The following TMEM79 variants were observed in gnomAD, a reference collection of about 807,000 sequenced individuals.
The protein encoded by TMEM79 is mattrin.
TMEM79 carries 30 observed loss-of-function variants against 31.2 expected under a neutral mutation model. The ratio of observed to expected loss-of-function variants is 0.96; its 90% CI spans 0.72 to 1.30. The LOEUF (loss-of-function observed/expected upper bound fraction) is 1.30. Ranked by LOEUF, TMEM79 falls within the 50% of genes most tolerant of loss-of-function variation. TMEM79 has a pLI of 0.00. For synonymous variants in TMEM79, 213 were observed against 229.5 expected (o/e 0.93, Z 0.65); for missense variants, 509 against 528.2 (o/e 0.96, Z 0.36).
intron 3 of TMEM79, among the ~76,000 whole-genome samples, chr1:156,289,813 C>T (rs752777479): frequency 6.6e-6 from 1 of 152,162 alleles, no homozygotes; most frequent in African/African-American, 2.4e-5. Flanking sequence ...GTTGCTCTCC[C>T]CTCCCTCCAT....
rs760661434 is a variant in TMEM79 at position 156,285,826 on chromosome 1, T to C, written c.600T>C (p.Ala200=). 3 of 1,613,662 alleles carry C rather than the reference T, an allele frequency of 1.9e-6. No homozygotes were observed. Among genetic ancestry groups the C allele is most frequent in the South Asian group, 1.1e-5 (1 of 91,086 alleles). ...GTGGAGACCGTGAGTGGCTAAGGGCTGTGGCCTCCGTGGGAGCCGCACTCA... is the reference window on the plus strand; with the variant it reads ...GTGGAGACCGTGAGTGGCTAAGGGCCGTGGCCTCCGTGGGAGCCGCACTCA... The part of the protein sequence containing the change: ...GSCGDREWLR[A]VASVGAALIL... The change falls in exon 2 of 4, where the codon GCT becomes GCC. Residue 200 remains alanine (A), a synonymous_variant. Coordinates refer to ENST00000405535, the MANE Select transcript of TMEM79 (RefSeq NM_032323.3).
upstream of TMEM79, among the ~76,000 whole-genome samples, chr1:156,283,304 C>T (rs185868370): frequency 2.6e-5 from 4 of 152,336 alleles, no homozygotes; most frequent in Admixed American, 1.3e-4. Flanking sequence ...CTTGTACAAG[C>T]GTCTCGGCCC....
chr1:156,289,154 T>TATAGAGTATAGAGTATAGAGTA (rs1414807620), intron 3 of TMEM79, among the ~76,000 whole-genome samples: 1 of 152,168 alleles, frequency 6.6e-6, no homozygotes, highest in Non-Finnish European at 1.5e-5. Flanking sequence ...ATTAAATGAG[T>TATAGAGTATAGAGTATAGAGTA]TAATTCATGT....
At chr1:156,283,499 G>A (rs183833154), upstream of TMEM79, among the ~76,000 whole-genome samples, 23 of 151,840 alleles carry the variant, frequency 1.5e-4, no homozygotes, top group Admixed American at 1.3e-3. Flanking sequence ...ATAGAAATGA[G>A]AAGCTAGTCC....
Position 156,285,502 on chromosome 1 carries a change from T to C in TMEM79, c.276T>C (p.Pro92=), listed in dbSNP as rs1194025375. 6.2e-7 allele frequency: 1 copy of C among 1,614,144 alleles called. No homozygotes were observed. Among genetic ancestry groups the C allele is most frequent in the Admixed American group, 1.7e-5 (1 of 60,026 alleles). ...PQPSAPFPDP[P]GWRDIEPEPP... is the part of the protein sequence containing the mutation. ...CCAGTGCTCCGTTCCCGGATCCCCCTGGCTGGCGGGACATTGAACCAGAGC... is the reference window on the plus strand; with the variant it reads ...CCAGTGCTCCGTTCCCGGATCCCCCCGGCTGGCGGGACATTGAACCAGAGC... The change falls in exon 2 of 4, where the codon CCT becomes CCC. Residue 92 remains proline, a synonymous_variant. Coordinates refer to ENST00000405535, the MANE Select transcript of TMEM79 (RefSeq NM_032323.3).
Position 156,285,745 on chromosome 1 carries a change from G to A in TMEM79, c.519G>A (p.Lys173=). ...RVTHPDPTER[K]WAEAVVRPPG... ...CCCACCCCGACCCCACTGAGCGCAA[G>A]TGGGCTGAGGCAGTGGTGAGGCCGC... Residue 173 remains lysine, a synonymous_variant, in exon 2 of 4, where the codon AAG becomes AAA. Coordinates refer to ENST00000405535, the MANE Select transcript of TMEM79 (RefSeq NM_032323.3). 6.2e-7 allele frequency: 1 copy of A among 1,613,316 alleles called. No individual in the cohort carries two copies. Among genetic ancestry groups the A allele is most frequent in the Non-Finnish European group, 8.5e-7 (1 of 1,180,002 alleles).
rs773601314 is a variant in TMEM79, at chr1:156,291,660, C to T, written c.*62C>T. 5 of 1,533,356 alleles carry T rather than the reference C, an allele frequency of 3.3e-6. No homozygotes were observed. The highest frequency in any genetic ancestry group is 3.6e-6 in the Non-Finnish European group (4 of 1,110,448). The allele number at this position is 1,533,356 out of a possible 1,614,324, so 95.0% of individuals were successfully genotyped here. A position where few individuals can be genotyped will look rare whatever the true frequency, so the allele number is the denominator to read the frequency against. On this transcript the variant is annotated 3_prime_UTR_variant, in exon 4 of 4. Transcript: ENST00000405535. Reference sequence around the variant, plus strand: ...GCTTGGGTCTGACACATCTTTGAACCTTGTGGCCAGGCCTGGACTTCGCCC... The same window carrying T: ...GCTTGGGTCTGACACATCTTTGAACTTTGTGGCCAGGCCTGGACTTCGCCC...
Position 156,285,724 on chromosome 1 carries a change from C to G in TMEM79, c.498C>G (p.His166Gln). 6.2e-7 allele frequency: 1 copy of G among 1,613,230 alleles called. No homozygotes were observed. Among genetic ancestry groups the G allele is most frequent in the African/African-American group, 1.3e-5 (1 of 75,064 alleles). ...CCTTCATGCCCCCCCGGGTCACCCACCCCGACCCCACTGAGCGCAAGTGGG... is the reference window on the plus strand; with the variant it reads ...CCTTCATGCCCCCCCGGGTCACCCAGCCCGACCCCACTGAGCGCAAGTGGG... ...CRTFMPPRVT[H>Q]PDPTERKWAE... The change falls in exon 2 of 4, where the codon CAC becomes CAG. Residue 166 changes from histidine (H) to glutamine (Q), a missense_variant. Coordinates refer to ENST00000405535, the MANE Select transcript of TMEM79 (RefSeq NM_032323.3).
upstream of TMEM79, chr1:156,283,102 A>G: frequency 2.8e-6 from 1 of 361,152 alleles, no homozygotes; most frequent in Non-Finnish European, 4.9e-6. Flanking sequence ...GCTTTGTCCT[A>G]CAATGGTCAT....
rs1295499944 is a variant in TMEM79, at chr1:156,286,099, C to T, written c.757+116C>T. ...CTTGACCTGGGCCCCTCAGGGTCTC[C>T]CACCCCCTGCCAGTCTGCATGCCCA... On this transcript the variant is annotated intron_variant, in intron 2 of 3. Transcript: ENST00000405535. 6.2e-6 allele frequency: 9 copies of T among 1,447,944 alleles called. No homozygotes were observed. In the Admixed American group the frequency reaches 7.7e-5, roughly 12 times the overall value. The allele number at this position is 1,447,944 out of a possible 1,614,324, so 89.7% of individuals were successfully genotyped here. A position where few individuals can be genotyped will look rare whatever the true frequency, so the allele number is the denominator to read the frequency against.
upstream of TMEM79, among the ~76,000 whole-genome samples, chr1:156,283,761 A>T (rs186101181): frequency 1.3e-3 from 193 of 152,168 alleles, no homozygotes; most frequent in Admixed American, 3.1e-3. Flanking sequence ...TTTCCCATCC[A>T]TTGGTCTTTC....
At chr1:156,290,515 T>A (rs1663283633) in intron 3 of TMEM79, 1 of 142,260 alleles carries the variant, frequency 7.0e-6, no homozygotes, top group African/African-American at 2.7e-5. Context: ...CCAGCCTGGC[T>A]GACAGAGACC....
chr1:156,286,820 T>C (rs2101589119), intron 3 of TMEM79, among the ~76,000 whole-genome samples: 1 of 152,306 alleles, frequency 6.6e-6, no homozygotes, highest in Middle Eastern at 3.4e-3. Context: ...AAAATAGATA[T>C]ATTTTTTCAA....
chr1:156,286,010 T>C, intron 2 of TMEM79, 27 bp downstream of exon 2: 1 of 1,578,594 alleles, frequency 6.3e-7, no homozygotes, highest in African/African-American at 1.3e-5. Flanking sequence ...AAAGGGGGCA[T>C]CGGGAAGTGG....
Position 156,285,265 on chromosome 1 carries a change from G to T in TMEM79, c.39G>T (p.Lys13Asn). ...EQETLALLEV[K>N]RSDSPEKSSP... ...AGACCCTGGCCCTACTGGAAGTGAA[G>T]AGGTCTGATTCCCCAGAGAAGAGCT... Residue 13 changes from lysine (K) to asparagine (N), a missense_variant, in exon 2 of 4, where the codon AAG becomes AAT. Lys to Asn is a moderately conservative substitution (Grantham distance 94). Coordinates refer to ENST00000405535, the MANE Select transcript of TMEM79 (RefSeq NM_032323.3). The T allele has an allele frequency of 6.4e-7, 1 of 1,558,054 alleles. No homozygotes were observed. The highest frequency in any genetic ancestry group is 8.6e-7 in the Non-Finnish European group (1 of 1,156,750).
Position 156,291,973 on chromosome 1 carries a change from C to A in TMEM79, c.*375C>A. ...GTCTCTGCTCCACTCCCCGGCTTCC[C>A]GTGAGGCAGGAGGCAGAGCCACAGC... On this transcript the variant is annotated 3_prime_UTR_variant, in exon 4 of 4. Transcript: ENST00000405535. 2.1e-6 allele frequency: 1 copy of A among 473,302 alleles called. No individual in the cohort carries two copies. The highest frequency in any genetic ancestry group is 3.3e-5 in the East Asian group (1 of 30,126). 29.3% of individuals were successfully genotyped at this position (473,302 alleles called of 1,614,324 possible).
Position 156,291,498 on chromosome 1 carries a change from T to C in TMEM79, c.1085T>C (p.Val362Ala). The C allele has an allele frequency of 6.2e-7, 1 of 1,612,820 alleles. No individual in the cohort carries two copies. The highest frequency in any genetic ancestry group is 1.3e-5 in the African/African-American group (1 of 75,036). The change falls in exon 4 of 4, where the codon GTG becomes GCG. Residue 362 changes from valine (V) to alanine (A), a missense_variant. Transcript: ENST00000405535. ...ATGTGGAACCTCTACTACATGTTCG[T>C]GGTGGAGCCGGAGCGCATGCTCACT... is the stretch of plus-strand genomic sequence containing the variant. ...MLMWNLYYMF[V>A]VEPERMLTAT...
intron 3 of TMEM79, among the ~76,000 whole-genome samples, chr1:156,288,803 T>C (rs1167216323): frequency 2.0e-5 from 3 of 152,186 alleles, no homozygotes; most frequent in Non-Finnish European, 4.4e-5. Flanking sequence ...TCCCAATAGG[T>C]TTTCCCAAAA....
At chr1:156,290,653 C>T (rs1663288107) in intron 3 of TMEM79, 1 of 151,980 alleles carries the variant, frequency 6.6e-6, no homozygotes, top group South Asian at 2.1e-4. Context: ...TCGGGTGAAA[C>T]CCCATCTCTA....
Sources: allele counts gnomAD v4.1 joint callset (sites outside exome capture counted in the v4.1 genomes callset), GRCh38; gene constraint gnomAD v4.1.1; transcripts MANE v1.5; gene names NCBI Gene and HGNC (gene_info 2026-07-23, HGNC 2026-07-21).